Variants in TRMU observed in about 807,000 individuals in gnomAD.
TRMU encodes mitochondrial tRNA-specific 2-thiouridylase 1.
A neutral mutation model predicts 46.9 loss-of-function variants in TRMU; 49 were observed. The observed-to-expected ratio is 1.05, with a 90% CI of 0.83 to 1.33. The LOEUF is 1.33. TRMU is among the 40% of genes most tolerant of loss of function. The pLI is 0.00. For missense variants in TRMU, 572 were observed against 532.4 expected (o/e 1.07, Z -0.73); for synonymous variants, 241 against 200.9 (o/e 1.20, Z -1.69).
At chr22:46,343,196 G>A (rs1354263936) in intron 2 of TRMU, 66 bp from the exon 3 acceptor site, 4 of 1,139,894 alleles carry the variant, frequency 3.5e-6, no homozygotes, top group African/African-American at 3.2e-5. Context: ...GCAATTTAGT[G>A]AACTTTTTTT....
At chr22:46,344,798 T>C (rs920665277) in intron 3 of TRMU, among the ~76,000 whole-genome samples, 1 of 152,244 alleles carries the variant, frequency 6.6e-6, no homozygotes. Flanking sequence ...CTTTTTCTAG[T>C]ATAAGTGCTG....
intron 7 of TRMU, 91 bp downstream of exon 7, chr22:46,352,421 C>G (rs967328843): frequency 6.7e-7 from 1 of 1,484,724 alleles, no homozygotes; most frequent in African/African-American, 1.4e-5. Context: ...CCTGTCGTCC[C>G]TTCCACTTGG....
In TRMU at chr22:46,338,846, C is replaced by T. The variant is rs773754196; in HGVS notation, c.248+902C>T. On this transcript the variant is annotated intron_variant, in intron 2 of 10. Coordinates refer to ENST00000645190, the MANE Select transcript of TRMU (RefSeq NM_018006.5). The surrounding 1 kb of genome is among the most constrained non-coding windows in gnomAD (Gnocchi z 4.5). ...CGTCTGACACAGCAGGCCATGTGCGCGGGACAGGCTGCCCCTGCCTGAGTG... is the reference window on the plus strand; with the variant it reads ...CGTCTGACACAGCAGGCCATGTGCGTGGGACAGGCTGCCCCTGCCTGAGTG... 3.3e-5 allele frequency among the ~76,000 whole-genome samples: 5 copies of T among 152,148 alleles called. No homozygotes were observed. Among genetic ancestry groups the T allele is most frequent in the South Asian group, 2.1e-4 (1 of 4,832 alleles).
chr22:46,343,598 A>AC (rs1458827455), intron 3 of TRMU, among the ~76,000 whole-genome samples: 1 of 152,066 alleles, frequency 6.6e-6, no homozygotes, highest in Non-Finnish European at 1.5e-5. Context: ...CTGGTCTCAG[A>AC]TTTCTGGCCT....
rs114058457 is a variant in TRMU at position 46,352,584 on chromosome 22, T to C, written c.772+254T>C. The C allele has an allele frequency of 0.028, 16,088 of 581,036 alleles. 279 individuals carry two copies. The highest frequency in any genetic ancestry group is 0.036 in the African/African-American group (1,924 of 53,534). 36.0% of individuals were successfully genotyped at this position (581,036 alleles called of 1,614,324 possible). On this transcript the variant is annotated intron_variant, in intron 7 of 10. Coordinates refer to ENST00000645190, the MANE Select transcript of TRMU (RefSeq NM_018006.5). ...AAGCGCGCCTCTGACTTGGAAGGAC[T>C]ATACTCTGTGAGTTACGTATCAAGT...
At chr22:46,352,780 T>C (rs1372657572) in intron 7 of TRMU, 2 of 318,836 alleles carry the variant, frequency 6.3e-6, no homozygotes, top group Admixed American at 4.2e-5. Flanking sequence ...CTCGCTCATG[T>C]GCAGACCCTT....
chr22:46,342,374 C>T lies in TRMU; in HGVS notation c.249-888C>T, dbSNP rs191707267. ...TATGGGGAAAGGGTCATGGAGTGTC[C>T]ACACCCTCCCTGGGGACCACCCTCC... On this transcript the variant is annotated intron_variant, in intron 2 of 10. Transcript: ENST00000645190. The surrounding 1 kb of genome is among the most constrained non-coding windows in gnomAD (Gnocchi z 4.7). 2.8e-4 allele frequency among the ~76,000 whole-genome samples: 42 copies of T among 152,224 alleles called. No homozygotes were observed. Among genetic ancestry groups the T allele is most frequent in the African/African-American group, 8.7e-4 (36 of 41,546 alleles).
At chr22:46,352,828 G>GTGTC (rs1240859935) in intron 7 of TRMU, 2 of 264,818 alleles carry the variant, frequency 7.6e-6, no homozygotes, top group Admixed American at 9.7e-5. Context: ...GCTGTGCCTG[G>GTGTC]TGTCAGGGGA....
chr22:46,352,081 C>T (rs769187023), intron 5 of TRMU, 40 bp from the exon 6 acceptor site: 2 of 1,610,276 alleles, frequency 1.2e-6, no homozygotes, highest in African/African-American at 1.3e-5. Flanking sequence ...GGGCCACCGC[C>T]ACTTCTGCTC....
Position 46,336,303 on chromosome 22 carries a change from C to A in TRMU, c.82+457C>A. On this transcript the variant is annotated intron_variant, in intron 1 of 10. Coordinates refer to ENST00000645190, the MANE Select transcript of TRMU (RefSeq NM_018006.5). This position sits in a 1 kb window ranked among gnomAD's most constrained non-coding sequence, Gnocchi z 4.1. ...CCCCACTCAGCAGACTGGACAACTG[C>A]CGCGCGGCGGGTCTGCTTGTTCAGC... The A allele has an allele frequency of 4.1e-6, 1 of 243,342 alleles. No individual in the cohort carries two copies. Among genetic ancestry groups the A allele is most frequent in the Non-Finnish European group, 6.7e-6 (1 of 148,852 alleles). The allele number at this position is 243,342 out of a possible 1,614,324, so 15.1% of individuals were successfully genotyped here. A position where few individuals can be genotyped will look rare whatever the true frequency, so the allele number is the denominator to read the frequency against.
rs2078606040 is a variant in TRMU, at chr22:46,356,291, C to T, written c.1101+219C>T. On this transcript the variant is annotated intron_variant, in intron 10 of 10. Coordinates refer to ENST00000645190, the MANE Select transcript of TRMU (RefSeq NM_018006.5). ...TCTGGTGTCACCAACCAGCCAGTTC[C>T]TGCTCGGGCCCTGAGAGGCTCAGCT... 2.1e-5 allele frequency: 12 copies of T among 580,490 alleles called. No individual in the cohort carries two copies. The South Asian group carries it at 2.3e-4, about 11-fold the overall frequency. The allele number at this position is 580,490 out of a possible 1,614,324, so 36.0% of individuals were successfully genotyped here. A position where few individuals can be genotyped will look rare whatever the true frequency, so the allele number is the denominator to read the frequency against.
rs1273503448 is a variant in TRMU at position 46,349,761 on chromosome 22, T to G, written c.479-530T>G. On this transcript the variant is annotated intron_variant, in intron 4 of 10. Coordinates refer to ENST00000645190, the MANE Select transcript of TRMU (RefSeq NM_018006.5). The surrounding 1 kb of genome is among the most constrained non-coding windows in gnomAD (Gnocchi z 4.6). The stretch of plus-strand genomic sequence containing the variant: ...GAGACTCTCAACAAAAAAACGTTTT[T>G]ACCAAGAAAGCTAATGCCTTCACAG... Among the ~76,000 whole-genome samples, 6 of 152,158 alleles carry G rather than the reference T, an allele frequency of 3.9e-5. No homozygotes were observed. The highest frequency in any genetic ancestry group is 1.4e-4 in the African/African-American group (6 of 41,440).
rs2078058109 is a variant in TRMU at position 46,339,234 on chromosome 22, C to G, written c.248+1290C>G. Among the ~76,000 whole-genome samples the G allele has an allele frequency of 2.0e-5, 3 of 152,188 alleles. No individual in the cohort carries two copies. The highest frequency in any genetic ancestry group is 6.5e-5 in the Admixed American group (1 of 15,284). ...GCGCAATCTTGGCTCACTGCAACAT[C>G]TGCCTCCCAGGTTCAAGCGATTCTC... On this transcript the variant is annotated intron_variant, in intron 2 of 10. Transcript: ENST00000645190. This position sits in a 1 kb window ranked among gnomAD's most constrained non-coding sequence, Gnocchi z 4.8.
At chr22:46,341,144 G>A (rs539665796) in intron 2 of TRMU, among the ~76,000 whole-genome samples, 1 of 152,386 alleles carries the variant, frequency 6.6e-6, no homozygotes, top group Admixed American at 6.5e-5. Context: ...TTAGAGAAGA[G>A]GCTGGGCTAC....
At position 46,336,202 on chromosome 22, in the gene TRMU, A is replaced by G. The variant is rs2077972316; in HGVS notation, c.82+356A>G. ...ACCTGTGAGACCGTGGACACTGGTG[A>G]GGGGAGCTGGGATCGCCGGGCCGGG... On this transcript the variant is annotated intron_variant, in intron 1 of 10. Transcript: ENST00000645190. The surrounding 1 kb of genome is among the most constrained non-coding windows in gnomAD (Gnocchi z 4.1). 5.3e-6 allele frequency: 6 copies of G among 1,121,972 alleles called. No individual in the cohort carries two copies. Among genetic ancestry groups the G allele is most frequent in the Non-Finnish European group, 6.6e-6 (6 of 904,262 alleles). 69.5% of individuals were successfully genotyped at this position (1,121,972 alleles called of 1,614,324 possible). A position where few individuals can be genotyped will look rare whatever the true frequency, so the allele number is the denominator to read the frequency against.
Position 46,338,055 on chromosome 22 carries a change from C to CTCCA in TRMU, c.248+112_248+115dup, listed in dbSNP as rs1236727135. On this transcript the variant is annotated intron_variant, in intron 2 of 10. Coordinates refer to ENST00000645190, the MANE Select transcript of TRMU (RefSeq NM_018006.5). This position sits in a 1 kb window ranked among gnomAD's most constrained non-coding sequence, Gnocchi z 4.5. The stretch of plus-strand genomic sequence containing the variant: ...CCTGTGCTGCAGCCCAGCGCTCTCC[C>CTCCA]TCCACGGTGGTGCTGAAGACTGCAA... 3.3e-6 allele frequency: 5 copies of CTCCA among 1,493,886 alleles called. No individual in the cohort carries two copies. The East Asian group carries it at 1.1e-4, about 34-fold the overall frequency. The allele number at this position is 1,493,886 out of a possible 1,614,324, so 92.5% of individuals were successfully genotyped here.
intron 3 of TRMU, among the ~76,000 whole-genome samples, chr22:46,343,743 A>G (rs1475796183): frequency 3.3e-5 from 5 of 152,114 alleles, no homozygotes; most frequent in Admixed American, 3.3e-4. Flanking sequence ...GTCTGTGGCT[A>G]TGCTTTATGA....
intron 8 of TRMU, chr22:46,354,246 G>T: frequency 6.5e-6 from 2 of 306,914 alleles, no homozygotes; most frequent in Middle Eastern, 2.4e-3. Context: ...TGTCAGGCAG[G>T]TGCAGATGGC....
chr22:46,347,343 AATT>A lies in TRMU; in HGVS notation c.478+810_478+812del, dbSNP rs1468159323. 1 of 151,806 alleles carries A rather than the reference AATT, an allele frequency of 6.6e-6. No homozygotes were observed. The highest frequency in any genetic ancestry group is 1.9e-4 in the East Asian group (1 of 5,162). The allele number at this position is 151,806 out of a possible 1,614,324, so 9.4% of individuals were successfully genotyped here. On this transcript the variant is annotated intron_variant, in intron 4 of 10. Transcript: ENST00000645190. This position sits in a 1 kb window ranked among gnomAD's most constrained non-coding sequence, Gnocchi z 5.0. ...CTTTACATACACACATTTCTTTTTT[AATT>A]ATTATTATTAATTTTATTTTTTTGA...
Sources: allele counts gnomAD v4.1 joint callset (sites outside exome capture counted in the v4.1 genomes callset), GRCh38; gene constraint gnomAD v4.1.1; non-coding constraint Gnocchi (gnomAD v3.1); transcripts MANE v1.5; gene names NCBI Gene and HGNC (gene_info 2026-07-23, HGNC 2026-07-21).